LRRTM4: variants seen among roughly 807,000 people sequenced by gnomAD.
The protein encoded by LRRTM4 is leucine rich repeat transmembrane neuronal 4, also known as leucine-rich repeat transmembrane neuronal protein 4.
In LRRTM4, 25 loss-of-function variants were observed where a neutral mutation model predicts 47.6. The ratio of observed to expected loss-of-function variants is 0.53; its 90% confidence interval spans 0.38 to 0.73. The LOEUF (loss-of-function observed/expected upper bound fraction) is 0.73. LRRTM4 is among the 30% of genes least tolerant of loss of function. The pLI is 0.00. For missense variants in LRRTM4, 638 were observed against 713.4 expected, an observed-to-expected ratio of 0.89 and a Z score of 1.20; for synonymous variants, 311 against 269.5, an observed-to-expected ratio of 1.15 and a Z score of -1.51.
intron 3 of LRRTM4, among the ~76,000 whole-genome samples, chr2:77,019,011 T>C (rs1276628877): frequency 2.0e-5 from 3 of 152,038 alleles, no homozygotes; most frequent in Middle Eastern, 6.3e-3. Flanking sequence ...AAATATCTTG[T>C]AACAGAAATG....
intron 3 of LRRTM4, among the ~76,000 whole-genome samples, chr2:77,428,392 C>T (rs1486925476): frequency 2.0e-5 from 3 of 152,176 alleles, no homozygotes; most frequent in African/African-American, 4.8e-5. Context: ...ATGGCAATTA[C>T]ATAAATGTAA....
At chr2:77,380,356 C>G (rs1673001578) in intron 3 of LRRTM4, among the ~76,000 whole-genome samples, 1 of 152,062 alleles carries the variant, frequency 6.6e-6, no homozygotes, top group Non-Finnish European at 1.5e-5. Flanking sequence ...CTGGAAAAAG[C>G]TAGAAATATA....
chr2:77,231,936 ATACT>A (rs1326988659), intron 3 of LRRTM4, among the ~76,000 whole-genome samples: 6 of 152,218 alleles, frequency 3.9e-5, no homozygotes, highest in Non-Finnish European at 7.3e-5. Context: ...GTCATTTTAA[ATACT>A]TAATTCAAAT....
intron 3 of LRRTM4, among the ~76,000 whole-genome samples, chr2:77,271,805 C>A (rs777733203): frequency 3.9e-5 from 6 of 152,134 alleles, no homozygotes; most frequent in Non-Finnish European, 7.4e-5. Flanking sequence ...TAAATTTTTT[C>A]TCTGATCCAA....
chr2:77,112,064 A>C (rs1051844039), intron 3 of LRRTM4, among the ~76,000 whole-genome samples: 1 of 152,194 alleles, frequency 6.6e-6, no homozygotes, highest in Non-Finnish European at 1.5e-5. Context: ...TGTGTAATTT[A>C]GAAAATGTGT....
chr2:76,788,612 G>A (rs1449824172), intron 3 of LRRTM4, among the ~76,000 whole-genome samples: 26 of 152,194 alleles, frequency 1.7e-4, no homozygotes, highest in Admixed American at 1.7e-3. Flanking sequence ...GCAAGTTTAA[G>A]CTTAGATCAA....
intron 3 of LRRTM4, among the ~76,000 whole-genome samples, chr2:77,317,892 G>T (rs1677661861): frequency 6.6e-6 from 1 of 151,152 alleles, no homozygotes; most frequent in African/African-American, 2.4e-5. Context: ...AGCTCAGTGA[G>T]AATGTTAACA....
intron 3 of LRRTM4, among the ~76,000 whole-genome samples, chr2:77,232,123 T>G (rs559131046): frequency 6.6e-6 from 1 of 152,112 alleles, no homozygotes; most frequent in Non-Finnish European, 1.5e-5. Flanking sequence ...AGGGCACACA[T>G]TGGGTGGTAA....
At chr2:77,405,396 C>T (rs2103845512) in intron 3 of LRRTM4, among the ~76,000 whole-genome samples, 1 of 152,136 alleles carries the variant, frequency 6.6e-6, no homozygotes, top group South Asian at 2.1e-4. Context: ...CCATCCTAAC[C>T]CTTTAAAACC....
intron 3 of LRRTM4, among the ~76,000 whole-genome samples, chr2:76,922,239 G>C (rs1573317396): frequency 6.6e-6 from 1 of 152,080 alleles, no homozygotes; most frequent in East Asian, 1.9e-4. Context: ...TATTTATGAA[G>C]AAAATAGGTA....
intron 3 of LRRTM4, among the ~76,000 whole-genome samples, chr2:77,461,133 C>G (rs1298781120): frequency 9.4e-6 from 1 of 106,568 alleles, no homozygotes; most frequent in Non-Finnish European, 2.0e-5. Flanking sequence ...CATTTACATA[C>G]ACAGTGAGAG....
In LRRTM4 at chr2:76,973,859, A is replaced by T. The variant is rs1390402831; in HGVS notation, c.1552-224943T>A. On this transcript the variant is annotated intron_variant, in intron 3 of 3. Transcript: ENST00000409884. ...CATTTATTCTGTTACTAATTCTCAC[A>T]GCTGAGATTATGTGTCATGGGATAA... 2.6e-5 allele frequency among the ~76,000 whole-genome samples: 4 copies of T among 151,870 alleles called. No individual in the cohort carries two copies. The South Asian group carries it at 6.2e-4, about 24-fold the overall frequency.
intron 3 of LRRTM4, among the ~76,000 whole-genome samples, chr2:77,334,066 T>C (rs1252984511): frequency 6.6e-6 from 1 of 152,158 alleles, no homozygotes; most frequent in Non-Finnish European, 1.5e-5. Context: ...TGTAGCCTCT[T>C]TGTGTTGGCC....
chr2:76,764,613 A>C (rs1466322821), intron 3 of LRRTM4, among the ~76,000 whole-genome samples: 3 of 151,874 alleles, frequency 2.0e-5, no homozygotes, highest in African/African-American at 7.3e-5. Flanking sequence ...CCTGGGCGAC[A>C]GAGCTAGACT....
intron 3 of LRRTM4, among the ~76,000 whole-genome samples, chr2:77,091,552 G>A (rs1670641747): frequency 1.3e-5 from 2 of 148,656 alleles, no homozygotes; most frequent in Admixed American, 6.7e-5. Flanking sequence ...CCACCCCGTG[G>A]TGCCAAACCC....
intron 3 of LRRTM4, among the ~76,000 whole-genome samples, chr2:76,809,115 T>A (rs1170173775): frequency 6.6e-6 from 1 of 152,046 alleles, no homozygotes; most frequent in African/African-American, 2.4e-5. Flanking sequence ...TAAAAAAAAA[T>A]TTAGAAAATA....
At chr2:77,433,242 G>T (rs1675457198) in intron 3 of LRRTM4, among the ~76,000 whole-genome samples, 1 of 152,140 alleles carries the variant, frequency 6.6e-6, no homozygotes, top group African/African-American at 2.4e-5. Context: ...CTGCCCTGAA[G>T]AAGAACTTGA....
intron 3 of LRRTM4, among the ~76,000 whole-genome samples, chr2:77,047,090 C>G (rs562594262): frequency 9.3e-4 from 141 of 152,130 alleles, no homozygotes; most frequent in African/African-American, 3.3e-3. Context: ...GTAATCTTTA[C>G]CAGAAATTAT....
At chr2:77,306,969 G>C (rs948892970) in intron 3 of LRRTM4, among the ~76,000 whole-genome samples, 1 of 139,880 alleles carries the variant, frequency 7.1e-6, no homozygotes, top group African/African-American at 2.8e-5. Flanking sequence ...GCGCGATCTC[G>C]GCTCACTGCA....
Sources: allele counts gnomAD v4.1 joint callset (sites outside exome capture counted in the v4.1 genomes callset), GRCh38; gene constraint gnomAD v4.1.1; transcripts MANE v1.5; gene names NCBI Gene and HGNC (gene_info 2026-07-23, HGNC 2026-07-21).